The following ZNF184 variants were observed in gnomAD, a reference collection of about 807,000 sequenced individuals.
ZNF184 encodes the protein zinc finger protein 184, also known as zinc finger protein 184 (Kruppel-like).
In ZNF184, 16 loss-of-function variants were observed where a neutral mutation model predicts 54.4. The ratio of observed to expected loss-of-function variants is 0.29; its 90% CI spans 0.20 to 0.45. The LOEUF (loss-of-function observed/expected upper bound fraction) is 0.45. ZNF184 is among the 20% of genes least tolerant of loss of function. The probability of loss-of-function intolerance (pLI) is 1.00; values close to 1 mark genes in which losing one functional copy is unlikely to be tolerated. For synonymous variants in ZNF184, 254 were observed against 295.3 expected (o/e 0.86, Z 1.43); for missense variants, 681 against 888.2 (o/e 0.77, Z 2.97).
At chr6:27,411,369 A>G in the ZNF184 span, among the ~76,000 whole-genome samples, 1 of 152,192 alleles carries the variant, frequency 6.6e-6, no homozygotes, top group South Asian at 2.1e-4. Flanking sequence ...ATGTTCCGAA[A>G]GCAAACAGAA....
chr6:27,431,121 C>A, the ZNF184 span, among the ~76,000 whole-genome samples: 3 of 152,226 alleles, frequency 2.0e-5, no homozygotes, highest in Non-Finnish European at 4.4e-5. Context: ...AATTTTCATT[C>A]TTGGGCAGTG....
the ZNF184 span, among the ~76,000 whole-genome samples, chr6:27,440,016 A>C: frequency 6.6e-6 from 1 of 152,242 alleles, no homozygotes; most frequent in Non-Finnish European, 1.5e-5. Context: ...TGCTAAAAAA[A>C]AACTGGGCAG....
Position 27,452,214 on chromosome 6 carries a change from C to A in ZNF184, c.1345G>T (p.Ala449Ser). ...THTGEKPYDC[A>S]ECGKSFSYWS... Reference sequence around the variant, plus strand: ...TAACTAAAAGATTTTCCACATTCTGCACAATCATAGGGTTTCTCCCCAGTA... The same window carrying A: ...TAACTAAAAGATTTTCCACATTCTGAACAATCATAGGGTTTCTCCCCAGTA... Residue 449 changes from alanine to serine, a missense_variant, in exon 6 of 6, where the codon GCA (alanine) becomes TCA (serine). Coordinates refer to ENST00000683788, the MANE Select transcript of ZNF184 (RefSeq NM_001318891.2). The surrounding 1 kb of genome is among the most constrained non-coding windows in gnomAD (Gnocchi z 5.5). The A allele has an allele frequency of 5.0e-6, 8 of 1,613,966 alleles. No homozygotes were observed. The highest frequency in any genetic ancestry group is 6.8e-6 in the Non-Finnish European group (8 of 1,179,964).
chr6:27,445,888 A>G (rs952479536), downstream of ZNF184, among the ~76,000 whole-genome samples: 3 of 152,164 alleles, frequency 2.0e-5, no homozygotes, highest in Non-Finnish European at 4.4e-5. Context: ...AAAGTGCAGA[A>G]CTTAACAGTG....
chr6:27,424,516 C>A, the ZNF184 span, among the ~76,000 whole-genome samples: 1 of 152,156 alleles, frequency 6.6e-6, no homozygotes, highest in Non-Finnish European at 1.5e-5. Flanking sequence ...CAAAGGTTCT[C>A]CACCTCCCCA....
In ZNF184 at chr6:27,453,429, A is replaced by T. The variant is rs12191649; in HGVS notation, c.299-169T>A. ...AAGTTGGAAGGAGCTAAGGAGAATT[A>T]TAAATAAAATACGAAAGTGGCAAAA... On this transcript the variant is annotated intron_variant, in intron 5 of 5. Coordinates refer to ENST00000683788, the MANE Select transcript of ZNF184 (RefSeq NM_001318891.2). The surrounding 1 kb of genome is among the most constrained non-coding windows in gnomAD (Gnocchi z 4.7). Among the ~76,000 whole-genome samples, 7,441 of 152,306 alleles carry T rather than the reference A, an allele frequency of 0.049. 262 individuals carry two copies. The highest frequency in any genetic ancestry group is 0.073 in the Non-Finnish European group (4,980 of 68,026).
the ZNF184 span, among the ~76,000 whole-genome samples, chr6:27,443,736 A>T: frequency 6.6e-6 from 1 of 152,176 alleles, no homozygotes; most frequent in Non-Finnish European, 1.5e-5. Context: ...AAAACCTAAA[A>T]TAATAAAATT....
chr6:27,424,359 G>A, the ZNF184 span, among the ~76,000 whole-genome samples: 11 of 152,176 alleles, frequency 7.2e-5, no homozygotes, highest in Admixed American at 1.3e-4. Context: ...CAGGGTACAA[G>A]GAAAGCCGAC....
chr6:27,466,742 A>G (rs1763149622), intron 3 of ZNF184, among the ~76,000 whole-genome samples: 1 of 152,188 alleles, frequency 6.6e-6, no homozygotes, highest in Non-Finnish European at 1.5e-5. Flanking sequence ...TTCTTTGTTA[A>G]GAAAATTCAG....
the ZNF184 span, among the ~76,000 whole-genome samples, chr6:27,410,848 C>T: frequency 6.6e-6 from 1 of 152,012 alleles, no homozygotes; most frequent in East Asian, 1.9e-4. Flanking sequence ...GGTTTTTGAT[C>T]ATGGTGGTTA....
chr6:27,460,627 C>G (rs1475597182), intron 3 of ZNF184, among the ~76,000 whole-genome samples: 1 of 152,176 alleles, frequency 6.6e-6, no homozygotes, highest in Non-Finnish European at 1.5e-5. Context: ...AAGTTCAGAA[C>G]TACTGAGGCA....
At chr6:27,446,707 G>A (rs946668275), downstream of ZNF184, among the ~76,000 whole-genome samples, 2 of 152,204 alleles carry the variant, frequency 1.3e-5, no homozygotes, top group Non-Finnish European at 2.9e-5. Flanking sequence ...ACCAGCCTGG[G>A]AGAACTACAG....
chr6:27,420,891 A>G, the ZNF184 span, among the ~76,000 whole-genome samples: 1 of 152,254 alleles, frequency 6.6e-6, no homozygotes. Context: ...ACATCCAGAC[A>G]ATGGAAGATT....
At chr6:27,413,992 T>C in the ZNF184 span, among the ~76,000 whole-genome samples, 2 of 152,220 alleles carry the variant, frequency 1.3e-5, no homozygotes, top group East Asian at 1.9e-4. Context: ...TACTTTCTAA[T>C]AATCTTGTTC....
downstream of ZNF184, among the ~76,000 whole-genome samples, chr6:27,450,217 T>C (rs1423463331): frequency 3.3e-5 from 5 of 152,242 alleles, no homozygotes; most frequent in Non-Finnish European, 7.3e-5. Flanking sequence ...GCCTGGGTCC[T>C]ATCTCCTAAG....
chr6:27,465,259 CG>C (rs761835515), intron 3 of ZNF184, among the ~76,000 whole-genome samples: 11 of 150,522 alleles, frequency 7.3e-5, no homozygotes, highest in Non-Finnish European at 1.6e-4. Flanking sequence ...GCGAGGCGGG[CG>C]GATCACGAAG....
chr6:27,422,792 C>T, the ZNF184 span, among the ~76,000 whole-genome samples: 3 of 152,194 alleles, frequency 2.0e-5, no homozygotes, highest in Admixed American at 2.0e-4. Flanking sequence ...CTGAGCTGCA[C>T]TTTTCCCCAT....
At chr6:27,424,285 G>C in the ZNF184 span, among the ~76,000 whole-genome samples, 29 of 152,372 alleles carry the variant, frequency 1.9e-4, no homozygotes, top group African/African-American at 7.0e-4. Context: ...CACAAAAGTA[G>C]TGTGAGCACA....
intron 3 of ZNF184, 122 bp from the exon 4 acceptor site, chr6:27,457,531 C>T (rs1762889176): frequency 9.1e-7 from 1 of 1,103,078 alleles, no homozygotes; most frequent in African/African-American, 1.6e-5. Flanking sequence ...TTGACATTTT[C>T]TCCTTTATGA....
Sources: allele counts gnomAD v4.1 joint callset (sites outside exome capture counted in the v4.1 genomes callset), GRCh38; gene constraint gnomAD v4.1.1; non-coding constraint Gnocchi (gnomAD v3.1); transcripts MANE v1.5; gene names NCBI Gene and HGNC (gene_info 2026-07-23, HGNC 2026-07-21).